Variants in ASB15 observed in about 807,000 individuals in gnomAD.
ASB15 encodes the protein ankyrin repeat and SOCS box protein 15.
In ASB15, 54 loss-of-function variants were observed where a neutral mutation model predicts 58.0. That is an observed-to-expected ratio of 0.93 (90% CI 0.75 to 1.17). The LOEUF (loss-of-function observed/expected upper bound fraction) is 1.17. Ranked by LOEUF, ASB15 falls within the 50% of genes most tolerant of loss-of-function variation. ASB15 has a pLI of 0.00. For synonymous variants in ASB15, 249 were observed against 262.4 expected (o/e 0.95, Z 0.50); for missense variants, 680 against 707.4 (o/e 0.96, Z 0.44).
chr7:123,624,615 T>C lies in ASB15; in HGVS notation c.498T>C (p.His166=), dbSNP rs756354641. Residue 166 remains histidine (H), a synonymous_variant, in exon 8 of 12, where the codon CAT becomes CAC. Transcript: ENST00000451215. ...ACATGGTGTCGACTCTGATCAAACATAACACTAGCCTAGACCAGCCCTGTG... is the reference window on the plus strand; with the variant it reads ...ACATGGTGTCGACTCTGATCAAACACAACACTAGCCTAGACCAGCCCTGTG... ...SYDMVSTLIK[H]NTSLDQPCVK... 4.3e-6 allele frequency: 7 copies of C among 1,613,764 alleles called. No homozygotes were observed. The highest frequency in any genetic ancestry group is 3.3e-4 in the Middle Eastern group (2 of 6,084).
chr7:123,570,838 T>C (rs1798890548), intron 1 of ASB15, among the ~76,000 whole-genome samples: 2 of 152,216 alleles, frequency 1.3e-5, no homozygotes, highest in East Asian at 1.9e-4. Flanking sequence ...CTAACAAATT[T>C]ACCTGTCCAT....
chr7:123,624,609 C>G lies in ASB15; in HGVS notation c.492C>G (p.Ile164Met). The change falls in exon 8 of 12, where the codon ATC (isoleucine) becomes ATG (methionine). Residue 164 changes from isoleucine (I) to methionine (M), a missense_variant. By Grantham distance (10) the Ile-to-Met change is conservative (BLOSUM62 1). Coordinates refer to ENST00000451215, the MANE Select transcript of ASB15 (RefSeq NM_001290258.2). ...KGSYDMVSTL[I>M]KHNTSLDQPC... Reference sequence around the variant, plus strand: ...CCTATGACATGGTGTCGACTCTGATCAAACATAACACTAGCCTAGACCAGC... The same window carrying G: ...CCTATGACATGGTGTCGACTCTGATGAAACATAACACTAGCCTAGACCAGC... 6.2e-7 allele frequency: 1 copy of G among 1,613,650 alleles called. No homozygotes were observed. Among genetic ancestry groups the G allele is most frequent in the South Asian group, 1.1e-5 (1 of 91,050 alleles).
intron 1 of ASB15, among the ~76,000 whole-genome samples, chr7:123,569,885 G>C (rs1168477494): frequency 6.6e-6 from 1 of 152,128 alleles, no homozygotes; most frequent in Admixed American, 6.5e-5. Context: ...TGATAAGAAT[G>C]CCTTTGTACG....
In ASB15 at chr7:123,629,050, T is replaced by A; in HGVS notation, c.1056T>A (p.Thr352=). The A allele has an allele frequency of 6.2e-7, 1 of 1,613,822 alleles. No homozygotes were observed. The highest frequency in any genetic ancestry group is 8.5e-7 in the Non-Finnish European group (1 of 1,179,842). Residue 352 remains threonine (T), a synonymous_variant, in exon 10 of 12, where the codon ACT becomes ACA. Coordinates refer to ENST00000451215, the MANE Select transcript of ASB15 (RefSeq NM_001290258.2). ...ISQSYDDERK[T]ALYFGVSNND... ...AGAGCTATGACGATGAGAGGAAGAC[T>A]GCGCTGTATTTTGGCGTTTCTAATA...
intron 1 of ASB15, among the ~76,000 whole-genome samples, chr7:123,568,350 TAA>T (rs796485040): frequency 3.5e-5 from 5 of 142,978 alleles, no homozygotes; most frequent in Non-Finnish European, 3.1e-5. Context: ...CCATCTCTAC[TAA>T]AAAAAAAAAA....
chr7:123,579,399 T>C (rs757178513), intron 1 of ASB15, among the ~76,000 whole-genome samples: 2 of 152,166 alleles, frequency 1.3e-5, no homozygotes, highest in Non-Finnish European at 2.9e-5. Flanking sequence ...TGTTTTGCTA[T>C]GTACTCACTG....
chr7:123,575,150 G>A (rs1008519981), intron 1 of ASB15, among the ~76,000 whole-genome samples: 1 of 151,094 alleles, frequency 6.6e-6, no homozygotes, highest in African/African-American at 2.4e-5. Context: ...ATTTAAGAAG[G>A]TTTGTATTTT....
rs753275356 is a variant in ASB15 at position 123,626,221 on chromosome 7, G to T, written c.698-889G>T. Among the ~76,000 whole-genome samples the T allele has an allele frequency of 2.6e-5, 4 of 152,282 alleles. No individual in the cohort carries two copies. In the East Asian group the frequency reaches 7.7e-4, roughly 29 times the overall value. ...AGTATTTGTTAAGTTAAAATAGAGG[G>T]GGCCGGGCACCATGGCTCATGCCTG... is the stretch of plus-strand genomic sequence containing the variant. On this transcript the variant is annotated intron_variant, in intron 8 of 11. Transcript: ENST00000451215.
intron 2 of ASB15, among the ~76,000 whole-genome samples, chr7:123,606,968 C>T (rs1163383979): frequency 6.6e-6 from 1 of 152,126 alleles, no homozygotes; most frequent in Admixed American, 6.5e-5. Context: ...TATATACACA[C>T]AGAAGTGAGA....
chr7:123,627,855 A>C (rs939530029), intron 9 of ASB15, among the ~76,000 whole-genome samples: 1 of 152,230 alleles, frequency 6.6e-6, no homozygotes, highest in African/African-American at 2.4e-5. Context: ...ACTACCCACC[A>C]TGAGAAGATG....
chr7:123,613,190 A>G (rs1439084341), intron 3 of ASB15, among the ~76,000 whole-genome samples: 1 of 152,154 alleles, frequency 6.6e-6, no homozygotes, highest in Non-Finnish European at 1.5e-5. Flanking sequence ...GAGACCTTGG[A>G]TGTTAGCAGG....
intron 1 of ASB15, among the ~76,000 whole-genome samples, chr7:123,593,573 T>C (rs1799608406): frequency 6.6e-6 from 1 of 152,194 alleles, no homozygotes; most frequent in South Asian, 2.1e-4. Context: ...GAAAATTCTT[T>C]TTTTTTCTTT....
At chr7:123,604,769 G>C (rs1387234493) in intron 2 of ASB15, among the ~76,000 whole-genome samples, 1 of 151,928 alleles carries the variant, frequency 6.6e-6, no homozygotes. Context: ...GGAGGGAGAA[G>C]AAAATAAAAT....
chr7:123,626,924 G>A (rs1460749207), intron 8 of ASB15, among the ~76,000 whole-genome samples, 186 bp from the exon 9 acceptor site: 1 of 152,084 alleles, frequency 6.6e-6, no homozygotes, highest in African/African-American at 2.4e-5. Flanking sequence ...TTTTAGTTGA[G>A]ACAGGGTTTC....
chr7:123,593,680 A>G (rs1213206234), intron 1 of ASB15, among the ~76,000 whole-genome samples: 1 of 152,118 alleles, frequency 6.6e-6, no homozygotes, highest in Non-Finnish European at 1.5e-5. Flanking sequence ...TTTGTGGGTA[A>G]CCTGACCTTT....
In ASB15 at chr7:123,627,387, T is replaced by C. The variant is rs549666132; in HGVS notation, c.869+106T>C. On this transcript the variant is annotated intron_variant, in intron 9 of 11. Coordinates refer to ENST00000451215, the MANE Select transcript of ASB15 (RefSeq NM_001290258.2). ...ATACCTTTCAAAATCCAAGGAGAAA[T>C]AGGCATAATCTTCAGGTTTTGATGC... is the stretch of plus-strand genomic sequence containing the variant. 12 of 886,130 alleles carry C rather than the reference T, an allele frequency of 1.4e-5. No individual in the cohort carries two copies. The South Asian group carries it at 4.0e-4, about 30-fold the overall frequency. The allele number at this position is 886,130 out of a possible 1,614,324, so 54.9% of individuals were successfully genotyped here. A position where few individuals can be genotyped will look rare whatever the true frequency, so the allele number is the denominator to read the frequency against.
intron 1 of ASB15, chr7:123,584,795 T>G (rs1562911682): frequency 6.6e-6 from 1 of 151,938 alleles, no homozygotes; most frequent in Non-Finnish European, 1.5e-5. Flanking sequence ...TATTCAAGAC[T>G]TCAGTAAAAC....
At chr7:123,622,429 T>C (rs1801392271) in intron 7 of ASB15, among the ~76,000 whole-genome samples, 1 of 152,208 alleles carries the variant, frequency 6.6e-6, no homozygotes, top group South Asian at 2.1e-4. Flanking sequence ...CTTCATGAGT[T>C]AGCTTGGAAG....
chr7:123,610,953 G>T (rs1009717922), intron 3 of ASB15, among the ~76,000 whole-genome samples: 16 of 151,794 alleles, frequency 1.1e-4, no homozygotes, highest in African/African-American at 3.6e-4. Flanking sequence ...ATGGTGGCCG[G>T]TGCCTATAAT....
Sources: gnomAD v4.1 joint callset for allele counts (sites outside exome capture counted in the v4.1 genomes callset) on GRCh38, gnomAD v4.1.1 for gene constraint, MANE v1.5 for transcripts, NCBI Gene and HGNC (gene_info 2026-07-23, HGNC 2026-07-21) for gene names.